The following RNFT2 variants were observed in gnomAD, a reference collection of about 807,000 sequenced individuals.
RNFT2 encodes the protein E3 ubiquitin-protein ligase RNFT2.
In RNFT2, 36 loss-of-function variants were observed where a neutral mutation model predicts 53.0. The observed-to-expected ratio is 0.68, with a 90% CI of 0.52 to 0.90. The LOEUF (loss-of-function observed/expected upper bound fraction) is 0.90. Among genes scored for constraint, RNFT2 ranks in the 40% least tolerant of loss-of-function variants. The pLI, the probability that RNFT2 is intolerant of heterozygous loss-of-function variation, is 0.00. For synonymous variants in RNFT2, 260 were observed against 253.2 expected (o/e 1.03, Z -0.26); for missense variants, 514 against 585.6 (o/e 0.88, Z 1.26).
chr12:116,763,382 G>A (rs1462423926), intron 5 of RNFT2, among the ~76,000 whole-genome samples: 1 of 151,966 alleles, frequency 6.6e-6, no homozygotes, highest in Non-Finnish European at 1.5e-5. Flanking sequence ...AATAGATGTC[G>A]GCATGAATGC....
At chr12:116,830,919 A>G (rs969735516) in intron 7 of RNFT2, among the ~76,000 whole-genome samples, 14 of 152,072 alleles carry the variant, frequency 9.2e-5, no homozygotes, top group African/African-American at 2.9e-4. Flanking sequence ...AAAAAAAAAA[A>G]AGAGAGAGAG....
chr12:116,848,561 T>C (rs1399067877), intron 10 of RNFT2, among the ~76,000 whole-genome samples: 1 of 151,982 alleles, frequency 6.6e-6, no homozygotes, highest in Non-Finnish European at 1.5e-5. Flanking sequence ...CATCTCCCTC[T>C]CCCATCCACC....
chr12:116,806,117 A>G (rs1235162224), intron 7 of RNFT2, among the ~76,000 whole-genome samples: 1 of 152,110 alleles, frequency 6.6e-6, no homozygotes, highest in Non-Finnish European at 1.5e-5. Flanking sequence ...GCTGAGGCTC[A>G]TGCCTGTAAT....
chr12:116,764,460 C>T (rs1872824168), intron 5 of RNFT2, among the ~76,000 whole-genome samples: 1 of 152,160 alleles, frequency 6.6e-6, no homozygotes, highest in Non-Finnish European at 1.5e-5. Context: ...GCACTTGGGC[C>T]TCCATGCAGC....
At chr12:116,833,454 C>A (rs1592986146) in intron 7 of RNFT2, among the ~76,000 whole-genome samples, 1 of 152,322 alleles carries the variant, frequency 6.6e-6, no homozygotes, top group African/African-American at 2.4e-5. Context: ...CCACCTTGGG[C>A]TTTGAGCCTT....
chr12:116,801,165 G>A (rs369552376), intron 7 of RNFT2: 1 of 152,248 alleles, frequency 6.6e-6, no homozygotes, highest in Non-Finnish European at 1.5e-5. Flanking sequence ...GAGCAGCAAA[G>A]CCAGGGGGTG....
chr12:116,820,843 G>A (rs967849874), intron 7 of RNFT2, among the ~76,000 whole-genome samples: 1 of 152,108 alleles, frequency 6.6e-6, no homozygotes, highest in African/African-American at 2.4e-5. Context: ...GGGATTGTCA[G>A]AGTCTGGGGA....
intron 7 of RNFT2, among the ~76,000 whole-genome samples, chr12:116,811,832 ATC>A (rs1875396555): frequency 1.3e-5 from 2 of 152,140 alleles, no homozygotes; most frequent in Non-Finnish European, 2.9e-5. Context: ...AAGTGCTAAG[ATC>A]AGAACCCTGA....
Position 116,740,327 on chromosome 12 carries a change from G to A in RNFT2, c.-153-18G>A. 1 of 618,524 alleles carries A rather than the reference G, an allele frequency of 1.6e-6. No individual in the cohort carries two copies. Among genetic ancestry groups the A allele is most frequent in the Non-Finnish European group, 2.9e-6 (1 of 342,476 alleles). The allele number at this position is 618,524 out of a possible 1,614,324, so 38.3% of individuals were successfully genotyped here. On this transcript the variant is annotated intron_variant, in intron 1 of 10. Transcript: ENST00000257575. ...GGTATCGCAGGGACTGTTCATCCAGGTGTTCTGTTCCATCCAGGTTTGGAG... is the reference window on the plus strand; with the variant it reads ...GGTATCGCAGGGACTGTTCATCCAGATGTTCTGTTCCATCCAGGTTTGGAG...
intron 5 of RNFT2, among the ~76,000 whole-genome samples, chr12:116,756,306 G>GT (rs376279220): frequency 0.023 from 3,500 of 149,510 alleles, 119 homozygotes; most frequent in African/African-American, 0.075. Context: ...TATTCCTAAG[G>GT]TTTTTTTTTG....
At chr12:116,749,776 T>C in intron 3 of RNFT2, 65 bp from the exon 4 acceptor site, 3 of 1,394,482 alleles carry the variant, frequency 2.2e-6, no homozygotes, top group Non-Finnish European at 3.0e-6. Flanking sequence ...GTCCCCATCC[T>C]CCTCTGGAGT....
At chr12:116,800,235 G>T (rs1411397343) in intron 7 of RNFT2, among the ~76,000 whole-genome samples, 1 of 152,102 alleles carries the variant, frequency 6.6e-6, no homozygotes, top group Non-Finnish European at 1.5e-5. Flanking sequence ...GGTGGCTCAT[G>T]CCTGTAATCC....
Position 116,744,294 on chromosome 12 carries a change from G to A in RNFT2, c.83+3200G>A, listed in dbSNP as rs1432196529. On this transcript the variant is annotated intron_variant, in intron 3 of 10. Coordinates refer to ENST00000257575, the MANE Select transcript of RNFT2 (RefSeq NM_001382266.1). ...GTGTGAAGATGCAGAAACAGCATCC[G>A]GCTTGTAATAAGCCTGCCTGTTGGA... 6.6e-5 allele frequency among the ~76,000 whole-genome samples: 10 copies of A among 151,162 alleles called. No homozygotes were observed. In the East Asian group the frequency reaches 1.8e-3, roughly 26 times the overall value.
chr12:116,753,887 G>A, intron 4 of RNFT2, 97 bp from the exon 5 acceptor site: 1 of 850,500 alleles, frequency 1.2e-6, no homozygotes, highest in Non-Finnish European at 2.0e-6. Context: ...CAACTCTGAG[G>A]GGACCAGGGA....
chr12:116,813,304 C>A (rs1458163014), intron 7 of RNFT2, among the ~76,000 whole-genome samples: 1 of 152,166 alleles, frequency 6.6e-6, no homozygotes, highest in African/African-American at 2.4e-5. Flanking sequence ...CTCTTCCCAG[C>A]CCGACACCTC....
At chr12:116,764,595 TAAAAC>T (rs1375680386) in intron 5 of RNFT2, among the ~76,000 whole-genome samples, 1 of 152,134 alleles carries the variant, frequency 6.6e-6, no homozygotes, top group Non-Finnish European at 1.5e-5. Flanking sequence ...CTGCTGTTGT[TAAAAC>T]AGTAGGAGGG....
intron 3 of RNFT2, among the ~76,000 whole-genome samples, chr12:116,742,043 T>G (rs1483030367): frequency 6.6e-6 from 1 of 152,002 alleles, no homozygotes; most frequent in East Asian, 1.9e-4. Context: ...AAAGATGAGA[T>G]TTTTATTTCT....
chr12:116,789,940 GA>G, intron 7 of RNFT2, among the ~76,000 whole-genome samples: 1 of 141,750 alleles, frequency 7.1e-6, no homozygotes, highest in South Asian at 2.3e-4. Context: ...AGAGTGGATG[GA>G]TGGATGGTGG....
intron 10 of RNFT2, among the ~76,000 whole-genome samples, chr12:116,840,783 A>G (rs1877209147): frequency 6.6e-6 from 1 of 152,096 alleles, no homozygotes; most frequent in African/African-American, 2.4e-5. Flanking sequence ...GTCATATGAG[A>G]TGATGTATAG....
Sources: allele counts gnomAD v4.1 joint callset (sites outside exome capture counted in the v4.1 genomes callset), GRCh38; gene constraint gnomAD v4.1.1; transcripts MANE v1.5; gene names NCBI Gene and HGNC (gene_info 2026-07-23, HGNC 2026-07-21).